The following BMPR1A variants were observed in gnomAD, a reference collection of about 807,000 sequenced individuals.
BMPR1A encodes bone morphogenetic protein receptor type 1A, also known as bone morphogenetic protein receptor type-1A.
Under a neutral mutation model 66.0 loss-of-function variants are expected in BMPR1A, and 7 were observed. That is an observed-to-expected ratio of 0.11 (90% CI 0.06 to 0.20). The LOEUF (loss-of-function observed/expected upper bound fraction) is 0.20. Among genes scored for constraint, BMPR1A ranks in the 10% least tolerant of loss-of-function variants. The probability of loss-of-function intolerance (pLI) is 1.00; values close to 1 mark genes in which losing one functional copy is unlikely to be tolerated. For synonymous variants in BMPR1A, 200 were observed against 229.7 expected, an observed-to-expected ratio of 0.87 and a Z score of 1.17; for missense variants, 408 against 669.1, an observed-to-expected ratio of 0.61 and a Z score of 4.31.
At chr10:86,891,781 G>T (rs976338627) in intron 4 of BMPR1A, among the ~76,000 whole-genome samples, 1 of 152,138 alleles carries the variant, frequency 6.6e-6, no homozygotes, top group Non-Finnish European at 1.5e-5. Context: ...TTATTTTAAA[G>T]TATGTTTTCA....
chr10:86,790,300 T>A (rs1276818720), intron 1 of BMPR1A, among the ~76,000 whole-genome samples: 1 of 132,674 alleles, frequency 7.5e-6, no homozygotes, highest in Non-Finnish European at 1.6e-5. Flanking sequence ...AGATAGATAA[T>A]AACAAATGCT....
At chr10:86,797,063 C>CTTTTTTTT (rs1554879652) in intron 1 of BMPR1A, among the ~76,000 whole-genome samples, 1 of 113,976 alleles carries the variant, frequency 8.8e-6, no homozygotes, top group Non-Finnish European at 1.8e-5. Flanking sequence ...TTTTTCTTTT[C>CTTTTTTTT]TTTTCTTTTT....
At chr10:86,873,078 C>T (rs999330599) in intron 2 of BMPR1A, among the ~76,000 whole-genome samples, 1 of 152,148 alleles carries the variant, frequency 6.6e-6, no homozygotes, top group Non-Finnish European at 1.5e-5. Context: ...TAGAGTCTCA[C>T]GGCCAGCCAG....
At chr10:86,881,147 G>A (rs7894166) in intron 3 of BMPR1A, among the ~76,000 whole-genome samples, 3,538 of 152,200 alleles carry the variant, frequency 0.023, 144 homozygotes, top group African/African-American at 0.081. Flanking sequence ...TGAGGTGGGC[G>A]GGAGAATCAC....
At chr10:86,839,116 T>A (rs1207688466) in intron 2 of BMPR1A, 137 bp downstream of exon 2, 1 of 152,220 alleles carries the variant, frequency 6.6e-6, no homozygotes. Flanking sequence ...GTAGCTTCTT[T>A]AGTTTCCTTA....
chr10:86,879,257 G>C (rs2133339174), intron 3 of BMPR1A, among the ~76,000 whole-genome samples: 1 of 152,280 alleles, frequency 6.6e-6, no homozygotes, highest in Middle Eastern at 3.4e-3. Flanking sequence ...AGTTAAAGAA[G>C]AGGGAAATCT....
chr10:86,817,379 G>A (rs780949685), intron 1 of BMPR1A, among the ~76,000 whole-genome samples: 1 of 152,082 alleles, frequency 6.6e-6, no homozygotes, highest in Non-Finnish European at 1.5e-5. Context: ...ATTTCACTTA[G>A]CATAATGTCT....
chr10:86,803,470 T>A (rs1302444482), intron 1 of BMPR1A, among the ~76,000 whole-genome samples: 2 of 152,330 alleles, frequency 1.3e-5, no homozygotes, highest in East Asian at 3.9e-4. Flanking sequence ...ATTACAGTAG[T>A]GTTTTCCAGT....
At chr10:86,915,687 G>A (rs866389196) in intron 8 of BMPR1A, among the ~76,000 whole-genome samples, 2 of 152,064 alleles carry the variant, frequency 1.3e-5, no homozygotes, top group Admixed American at 1.3e-4. Flanking sequence ...GAGATTGGCC[G>A]CCGCACTCCA....
intron 1 of BMPR1A, among the ~76,000 whole-genome samples, chr10:86,806,310 G>A (rs893861693): frequency 1.3e-5 from 2 of 152,092 alleles, no homozygotes; most frequent in African/African-American, 2.4e-5. Flanking sequence ...TCTGTGGGGA[G>A]AAACTTCAAG....
chr10:86,805,492 C>T (rs1456686260), intron 1 of BMPR1A, among the ~76,000 whole-genome samples: 6 of 134,528 alleles, frequency 4.5e-5, no homozygotes, highest in East Asian at 2.6e-4. Context: ...GACGGAGTCT[C>T]GCTCTGTCGC....
chr10:86,791,360 G>A (rs984893342), intron 1 of BMPR1A, among the ~76,000 whole-genome samples: 6 of 151,800 alleles, frequency 4.0e-5, no homozygotes, highest in Non-Finnish European at 7.4e-5. Flanking sequence ...CTACAGGCAC[G>A]TGCCACCATG....
chr10:86,878,952 A>G (rs1199851449), intron 3 of BMPR1A, among the ~76,000 whole-genome samples: 2 of 151,504 alleles, frequency 1.3e-5, no homozygotes, highest in African/African-American at 4.8e-5. Flanking sequence ...ATCAATTAGA[A>G]TGTTTTCCTC....
At chr10:86,831,782 A>C (rs1163794757) in intron 1 of BMPR1A, among the ~76,000 whole-genome samples, 1 of 152,146 alleles carries the variant, frequency 6.6e-6, no homozygotes, top group African/African-American at 2.4e-5. Context: ...AAATAGTGAC[A>C]CTAATCATCC....
chr10:86,874,709 CTTTTTTTTT>C (rs200991488), intron 2 of BMPR1A, among the ~76,000 whole-genome samples: 1 of 92,432 alleles, frequency 1.1e-5, no homozygotes, highest in Non-Finnish European at 2.1e-5. Context: ...ACCCGACCTT[CTTTTTTTTT>C]TTTTTTTTTT....
chr10:86,839,390 C>A (rs956217665), intron 2 of BMPR1A, among the ~76,000 whole-genome samples: 1 of 151,892 alleles, frequency 6.6e-6, no homozygotes, highest in African/African-American at 2.4e-5. Flanking sequence ...GCCAGGAGTT[C>A]GAGACCAGCC....
intron 1 of BMPR1A, among the ~76,000 whole-genome samples, chr10:86,761,595 A>G (rs1189776301): frequency 6.6e-6 from 1 of 152,216 alleles, no homozygotes; most frequent in Non-Finnish European, 1.5e-5. Context: ...GTGTTCCACT[A>G]TTGGAACGCT....
At chr10:86,919,673 T>G (rs974258036) in intron 10 of BMPR1A, among the ~76,000 whole-genome samples, 1 of 150,722 alleles carries the variant, frequency 6.6e-6, no homozygotes, top group African/African-American at 2.5e-5. Context: ...TATATATATT[T>G]TTTTGGTGTT....
At chr10:86,833,575 G>C (rs888855636) in intron 1 of BMPR1A, among the ~76,000 whole-genome samples, 3 of 152,134 alleles carry the variant, frequency 2.0e-5, no homozygotes, top group Non-Finnish European at 4.4e-5. Context: ...GGCTAACGGT[G>C]CTGCCATTAG....
Sources: gnomAD v4.1 joint callset for allele counts (sites outside exome capture counted in the v4.1 genomes callset) on GRCh38, gnomAD v4.1.1 for gene constraint, MANE v1.5 for transcripts, NCBI Gene and HGNC (gene_info 2026-07-23, HGNC 2026-07-21) for gene names.